The following UNC79 variants were observed in gnomAD, a reference collection of about 807,000 sequenced individuals.
UNC79 encodes the protein protein unc-79 homolog.
A neutral mutation model predicts 283.1 loss-of-function variants in UNC79; 37 were observed. The ratio of observed to expected loss-of-function variants is 0.13; its 90% CI spans 0.10 to 0.17. The LOEUF is 0.17. Ranked by LOEUF, UNC79 falls within the 10% of genes least tolerant of loss-of-function variation. UNC79 has a pLI of 1.00. For synonymous variants in UNC79, 1,107 were observed against 1,200.2 expected, an observed-to-expected ratio of 0.92 and a Z score of 1.61; for missense variants, 2,272 against 3,211.1, an observed-to-expected ratio of 0.71 and a Z score of 7.07.
chr14:93,424,706 G>A (rs965848706), intron 1 of UNC79, among the ~76,000 whole-genome samples: 1 of 151,830 alleles, frequency 6.6e-6, no homozygotes, highest in Non-Finnish European at 1.5e-5. Flanking sequence ...GGTTAACAGA[G>A]TCAGGGAAGA....
intron 24 of UNC79, among the ~76,000 whole-genome samples, chr14:93,598,932 G>A (rs534821340): frequency 6.6e-6 from 1 of 152,340 alleles, no homozygotes; most frequent in Non-Finnish European, 1.5e-5. Context: ...CCTGGAGAGA[G>A]TGGTATATTT....
chr14:93,423,062 C>CAACAAAAA (rs2055637383), intron 1 of UNC79, among the ~76,000 whole-genome samples: 1 of 77,304 alleles, frequency 1.3e-5, no homozygotes, highest in Non-Finnish European at 2.4e-5. Context: ...GACTCTGTCT[C>CAACAAAAA]AAAAAAAAAA....
intron 1 of UNC79, chr14:93,347,203 G>C: frequency 6.6e-7 from 1 of 1,508,318 alleles, no homozygotes; most frequent in Non-Finnish European, 8.9e-7. Flanking sequence ...GAGCACTGGA[G>C]CTTGCGTTAC....
intron 35 of UNC79, 47 bp from the exon 39 acceptor site, chr14:93,653,695 C>A (rs1277304888): frequency 1.3e-6 from 2 of 1,547,562 alleles, no homozygotes; most frequent in East Asian, 2.3e-5. Context: ...TGAACACCTG[C>A]TCACTGGCCC....
At chr14:93,682,967 CTATT>C (rs1291434729) in intron 42 of UNC79, among the ~76,000 whole-genome samples, 1 of 152,092 alleles carries the variant, frequency 6.6e-6, no homozygotes, top group African/African-American at 2.4e-5. Flanking sequence ...AAAATGTTAT[CTATT>C]AAAAATATTA....
At position 93,621,928 on chromosome 14, in the gene UNC79, A is replaced by G. The variant is rs138277122; in HGVS notation, c.4695A>G (p.Pro1565=). The stretch of plus-strand genomic sequence containing the variant: ...ACAATAGTGAAATCCCCGAGAACCC[A>G]GCTATGGAAGGGTTTCCAGATGCTC... The change falls in exon 30 of 49, where the codon CCA becomes CCG. Residue 1565 remains proline (P), a synonymous_variant. Transcript: ENST00000555664. This position sits in a 1 kb window ranked among gnomAD's most constrained non-coding sequence, Gnocchi z 4.8. 149 of 1,614,044 alleles carry G rather than the reference A, an allele frequency of 9.2e-5. No homozygotes were observed. In the African/African-American group the frequency reaches 1.8e-3, roughly 19 times the overall value.
chr14:93,631,149 G>T (rs1444321556), intron 31 of UNC79, among the ~76,000 whole-genome samples: 1 of 152,128 alleles, frequency 6.6e-6, no homozygotes, highest in East Asian at 1.9e-4. Flanking sequence ...ATCCTAATTT[G>T]TTAAGGAATG....
intron 26 of UNC79, 120 bp from the exon 27 acceptor site, chr14:93,604,776 T>G: frequency 9.6e-7 from 1 of 1,045,404 alleles, no homozygotes; most frequent in Non-Finnish European, 1.3e-6. Flanking sequence ...TATGTGATGT[T>G]AATTCAAATA....
chr14:93,439,876 G>T (rs142417789), intron 1 of UNC79, among the ~76,000 whole-genome samples: 1 of 151,918 alleles, frequency 6.6e-6, no homozygotes, highest in Non-Finnish European at 1.5e-5. Flanking sequence ...TTTCAAATTT[G>T]TTTGCATAGA....
chr14:93,561,353 G>C (rs1290805091), intron 14 of UNC79, among the ~76,000 whole-genome samples: 1 of 152,148 alleles, frequency 6.6e-6, no homozygotes, highest in Non-Finnish European at 1.5e-5. Flanking sequence ...GAGGAGGGCA[G>C]CAGCTTGCTG....
At chr14:93,593,703 A>G in exon 23 of UNC79, 1 of 1,612,616 alleles carries the variant, frequency 6.2e-7, no homozygotes. Context: ...GTCAAATCCG[A>G]GTTCTCTCAG....
intron 1 of UNC79, among the ~76,000 whole-genome samples, chr14:93,380,316 A>T (rs1025989219): frequency 1.3e-5 from 2 of 152,230 alleles, no homozygotes; most frequent in Admixed American, 6.5e-5. Context: ...TCATATATGT[A>T]GTAAAAAGTA....
intron 14 of UNC79, among the ~76,000 whole-genome samples, chr14:93,561,635 G>A (rs1215557105): frequency 6.6e-6 from 1 of 152,130 alleles, no homozygotes; most frequent in Non-Finnish European, 1.5e-5. Flanking sequence ...GAGAGGTAGA[G>A]GGTGGCATAA....
chr14:93,654,164 C>A lies in UNC79; in HGVS notation c.6282+139C>A, dbSNP rs1404817259. 23 of 580,974 alleles carry A rather than the reference C, an allele frequency of 4.0e-5. No individual in the cohort carries two copies. The East Asian group carries it at 7.5e-4, about 19-fold the overall frequency. The allele number at this position is 580,974 out of a possible 1,614,324, so 36.0% of individuals were successfully genotyped here. On this transcript the variant is annotated intron_variant, in intron 37 of 48. Coordinates refer to ENST00000555664, the Ensembl canonical transcript of UNC79. ...ATGTTATTTAATTTAAAAATGAAAT[C>A]TAAAATTTTAAAATTAAAAAATATA...
chr14:93,553,797 C>T (rs1315774116), intron 14 of UNC79, among the ~76,000 whole-genome samples: 1 of 152,176 alleles, frequency 6.6e-6, no homozygotes, highest in African/African-American at 2.4e-5. Flanking sequence ...GGTTTTGATA[C>T]ACCAAATAAG....
At chr14:93,544,327 T>G (rs894728463) in intron 14 of UNC79, among the ~76,000 whole-genome samples, 12 of 152,162 alleles carry the variant, frequency 7.9e-5, no homozygotes, top group African/African-American at 2.7e-4. Context: ...ACTTAAGGGC[T>G]TCAGTGAGAA....
chr14:93,703,107 G>A (rs1006432824), intron 47 of UNC79, among the ~76,000 whole-genome samples: 4 of 152,166 alleles, frequency 2.6e-5, no homozygotes, highest in South Asian at 2.1e-4. Context: ...TTTCATGGCC[G>A]TTTTCTAAGA....
intron 16 of UNC79, among the ~76,000 whole-genome samples, chr14:93,573,988 G>C (rs1372925268): frequency 6.6e-6 from 1 of 152,240 alleles, no homozygotes; most frequent in Non-Finnish European, 1.5e-5. Context: ...CTGGGCAATA[G>C]AGTGAGACCC....
rs1237334170 is a variant in UNC79, at chr14:93,474,644, T to C, written c.448+251T>C. ...TGGGGCTGGAGAAAGGAGGAAGATG[T>C]ATAACAAGAAATTTTCTCTTCTTTC... is the stretch of plus-strand genomic sequence containing the variant. On this transcript the variant is annotated intron_variant, in intron 3 of 48. Transcript: ENST00000555664. This position sits in a 1 kb window ranked among gnomAD's most constrained non-coding sequence, Gnocchi z 4.1. Among the ~76,000 whole-genome samples, 1 of 152,146 alleles carries C rather than the reference T, an allele frequency of 6.6e-6. No individual in the cohort carries two copies. Among genetic ancestry groups the C allele is most frequent in the African/African-American group, 2.4e-5 (1 of 41,436 alleles).
Sources: gnomAD v4.1 joint callset for allele counts (sites outside exome capture counted in the v4.1 genomes callset) on GRCh38, gnomAD v4.1.1 for gene constraint, Gnocchi (gnomAD v3.1) non-coding constraint, MANE v1.5 for transcripts, NCBI Gene and HGNC (gene_info 2026-07-23, HGNC 2026-07-21) for gene names.